Variants in PIK3R1 observed in about 807,000 individuals in gnomAD.
PIK3R1 encodes phosphatidylinositol 3-kinase regulatory subunit alpha.
PIK3R1 carries 29 observed loss-of-function variants against 98.0 expected under a neutral mutation model. The ratio of observed to expected loss-of-function variants is 0.30; its 90% CI spans 0.22 to 0.40. PIK3R1 has a LOEUF of 0.40. PIK3R1 is among the 10% of genes least tolerant of loss of function. The pLI is 1.00. For synonymous variants in PIK3R1, 282 were observed against 311.8 expected, an observed-to-expected ratio of 0.90 and a Z score of 1.01; for missense variants, 596 against 872.7, an observed-to-expected ratio of 0.68 and a Z score of 3.99.
At chr5:68,265,109 G>A (rs189494367) in intron 2 of PIK3R1, among the ~76,000 whole-genome samples, 4 of 152,092 alleles carry the variant, frequency 2.6e-5, no homozygotes, top group Admixed American at 6.6e-5. Context: ...ATTGTGGTCC[G>A]AGGACCGGCA....
intron 2 of PIK3R1, among the ~76,000 whole-genome samples, chr5:68,235,872 ATT>A (rs56930555): frequency 2.0e-5 from 3 of 146,644 alleles, no homozygotes; most frequent in African/African-American, 7.5e-5. Context: ...TCTGCCAGGC[ATT>A]TTTTTTTTTC....
chr5:68,236,244 TTTTG>T (rs768660742), intron 2 of PIK3R1, among the ~76,000 whole-genome samples: 257 of 150,712 alleles, frequency 1.7e-3, no homozygotes, highest in Admixed American at 5.8e-3. Context: ...TATAACCTTT[TTTTG>T]TTTGTTTGTT....
intron 2 of PIK3R1, among the ~76,000 whole-genome samples, chr5:68,235,444 A>T (rs1255903758): frequency 7.2e-6 from 1 of 139,802 alleles, no homozygotes; most frequent in African/African-American, 2.6e-5. Context: ...AAATAAATAA[A>T]TAATTTTCAA....
chr5:68,296,428 T>A, intron 15 of PIK3R1, 87 bp downstream of exon 15: 1 of 1,268,842 alleles, frequency 7.9e-7, no homozygotes, highest in Non-Finnish European at 1.1e-6. Context: ...GGGCAAAGAT[T>A]TGACATAGTT....
chr5:68,238,309 G>A (rs1327576772), intron 2 of PIK3R1, among the ~76,000 whole-genome samples: 1 of 152,150 alleles, frequency 6.6e-6, no homozygotes, highest in Non-Finnish European at 1.5e-5. Flanking sequence ...GTCTTTCCTT[G>A]TTTAGTGATA....
rs114369940 is a variant in PIK3R1, at chr5:68,223,449, G to A, written c.-386-2841G>A. ...AATGGCTGGCCTTGAATTAACGTCT[G>A]CATCAATGGATGGATGCCCTGTTTG... On this transcript the variant is annotated intron_variant, in intron 1 of 15. Transcript: ENST00000521381. Among the ~76,000 whole-genome samples the A allele has an allele frequency of 2.3e-3, 343 of 151,352 alleles. 3 individuals are homozygous for A. The highest frequency in any genetic ancestry group is 7.8e-3 in the African/African-American group (322 of 41,154).
chr5:68,237,915 T>TC (rs960702558), intron 2 of PIK3R1, among the ~76,000 whole-genome samples: 12 of 152,044 alleles, frequency 7.9e-5, no homozygotes, highest in African/African-American at 2.9e-4. Context: ...GGAATGCTCT[T>TC]CCCCCCTCTT....
At chr5:68,269,134 G>T (rs893334351) in intron 2 of PIK3R1, among the ~76,000 whole-genome samples, 2 of 152,162 alleles carry the variant, frequency 1.3e-5, no homozygotes, top group Admixed American at 6.5e-5. Flanking sequence ...GCGTGTCTTG[G>T]ATTCACTACT....
intron 2 of PIK3R1, among the ~76,000 whole-genome samples, chr5:68,229,384 A>T (rs764440213): frequency 6.6e-6 from 1 of 152,136 alleles, no homozygotes; most frequent in Non-Finnish European, 1.5e-5. Flanking sequence ...AAGAAATGAT[A>T]GTTCTGTTCT....
chr5:68,301,213 T>TA lies in PIK3R1; in HGVS notation c.*3617dup, dbSNP rs1748024033. On this transcript the variant is annotated 3_prime_UTR_variant, in exon 16 of 16. Coordinates refer to ENST00000521381, the MANE Select transcript of PIK3R1 (RefSeq NM_181523.3). ...TCCAAAATGCCAAATTCTTATTTTTTAAAAAGCTAGTTCTATAAAATACTG... is the reference window on the plus strand; with the variant it reads ...TCCAAAATGCCAAATTCTTATTTTTTAAAAAAGCTAGTTCTATAAAATACTG... 9.3e-6 allele frequency: 2 copies of TA among 216,058 alleles called. No homozygotes were observed. Among genetic ancestry groups the TA allele is most frequent in the Non-Finnish European group, 1.9e-5 (2 of 107,496 alleles). The allele number at this position is 216,058 out of a possible 1,614,324, so 13.4% of individuals were successfully genotyped here. A position where few individuals can be genotyped will look rare whatever the true frequency, so the allele number is the denominator to read the frequency against.
At chr5:68,238,248 C>T (rs1044393187) in intron 2 of PIK3R1, among the ~76,000 whole-genome samples, 2 of 152,198 alleles carry the variant, frequency 1.3e-5, no homozygotes, top group African/African-American at 4.8e-5. Flanking sequence ...TGCCAAATAA[C>T]TAGCACCCAA....
chr5:68,282,777 G>A (rs1746904149), intron 7 of PIK3R1, among the ~76,000 whole-genome samples: 1 of 152,178 alleles, frequency 6.6e-6, no homozygotes, highest in Non-Finnish European at 1.5e-5. Context: ...CTCTGCTAAA[G>A]GATGACAAAG....
Position 68,273,986 on chromosome 5 carries a change from G to A in PIK3R1, c.475G>A (p.Ala159Thr), listed in dbSNP as rs2112167021. The A allele has an allele frequency of 6.2e-7, 1 of 1,613,940 alleles. No individual in the cohort carries two copies. Residue 159 changes from alanine (A) to threonine (T), a missense_variant, in exon 4 of 16, where the codon GCA (alanine) becomes ACA (threonine). Transcript: ENST00000521381. ...CAGAACACAGAGCTCCAGCAACCTG[G>A]CAGAATTACGACAGCTTCTTGATTG... ...LYRTQSSSNL[A>T]ELRQLLDCDT...
intron 4 of PIK3R1, among the ~76,000 whole-genome samples, chr5:68,274,219 G>A (rs369294848): frequency 4.6e-5 from 7 of 152,150 alleles, no homozygotes; most frequent in African/African-American, 1.7e-4. Context: ...GCAAGTGTGT[G>A]CACGCCTCCC....
intron 2 of PIK3R1, among the ~76,000 whole-genome samples, chr5:68,250,781 T>C (rs573966151): frequency 1.7e-4 from 26 of 152,284 alleles, no homozygotes; most frequent in African/African-American, 5.8e-4. Context: ...GAGCCCTTGC[T>C]TTGTTAGCAG....
Position 68,299,936 on chromosome 5 carries a change from T to C in PIK3R1, c.*2335T>C, listed in dbSNP as rs1580273296. ...AGTCTGCGTCTCTGCTTTAAAGTTA[T>C]TGTGATATCCTTCTAGATCATACAC... is the stretch of plus-strand genomic sequence containing the variant. On this transcript the variant is annotated 3_prime_UTR_variant, in exon 16 of 16. Coordinates refer to ENST00000521381, the MANE Select transcript of PIK3R1 (RefSeq NM_181523.3). The C allele has an allele frequency of 4.3e-6, 1 of 233,268 alleles. No individual in the cohort carries two copies. The highest frequency in any genetic ancestry group is 8.5e-6 in the Non-Finnish European group (1 of 118,022). 14.4% of individuals were successfully genotyped at this position (233,268 alleles called of 1,614,324 possible).
chr5:68,240,809 C>A (rs1429203808), intron 2 of PIK3R1, among the ~76,000 whole-genome samples: 1 of 152,108 alleles, frequency 6.6e-6, no homozygotes, highest in Non-Finnish European at 1.5e-5. Flanking sequence ...TATAGTCTAG[C>A]TGTGAGACCA....
chr5:68,226,937 A>G lies in PIK3R1; in HGVS notation c.262A>G (p.Lys88Glu). Reference protein sequence around the residue: ...GRKKISPPTPKPRPPRPLPVA... With the variant: ...GRKKISPPTPEPRPPRPLPVA... ...GAAAAAAATCTCGCCTCCCACACCAAAGCCCCGGCCACCTCGGCCTCTTCC... is the reference window on the plus strand; with the variant it reads ...GAAAAAAATCTCGCCTCCCACACCAGAGCCCCGGCCACCTCGGCCTCTTCC... The change falls in exon 2 of 16, where the codon AAG (lysine) becomes GAG (glutamate). Residue 88 changes from lysine (K) to glutamate (E), a missense_variant. Transcript: ENST00000521381. 1 of 1,614,116 alleles carries G rather than the reference A, an allele frequency of 6.2e-7. No homozygotes were observed. The highest frequency in any genetic ancestry group is 8.5e-7 in the Non-Finnish European group (1 of 1,179,996).
chr5:68,231,215 A>C (rs990941685), intron 2 of PIK3R1, among the ~76,000 whole-genome samples: 1 of 152,216 alleles, frequency 6.6e-6, no homozygotes, highest in Non-Finnish European at 1.5e-5. Context: ...CAGAATATTT[A>C]GACGGGTGAG....
Sources: allele counts gnomAD v4.1 joint callset (sites outside exome capture counted in the v4.1 genomes callset), GRCh38; gene constraint gnomAD v4.1.1; transcripts MANE v1.5; gene names NCBI Gene and HGNC (gene_info 2026-07-23, HGNC 2026-07-21).